The following FAAH2 variants were observed in gnomAD, a reference collection of about 807,000 sequenced individuals.
The protein encoded by FAAH2 is fatty-acid amide hydrolase 2.
A neutral mutation model predicts 36.9 loss-of-function variants in FAAH2; 60 were observed. That is an observed-to-expected ratio of 1.63 (90% CI 1.32 to 2.02). The LOEUF (loss-of-function observed/expected upper bound fraction) is 2.02, where lower values mean the gene tolerates loss of function less well. Among genes scored for constraint, FAAH2 ranks in the 30% most tolerant of loss-of-function variants. The pLI is 0.00. For synonymous variants in FAAH2, 214 were observed against 143.8 expected, an observed-to-expected ratio of 1.49 and a Z score of -3.49; for missense variants, 689 against 397.5, an observed-to-expected ratio of 1.73 and a Z score of -6.23.
chrX:57,125,496 C>CA, the FAAH2 span, among the ~76,000 whole-genome samples: 2 of 111,650 alleles, frequency 1.8e-5, no homozygotes, highest in African/African-American at 6.5e-5. Flanking sequence ...CAAGCAGTCA[C>CA]AAGTTCTGCT....
intron 4 of FAAH2, among the ~76,000 whole-genome samples, chrX:57,333,748 G>T (rs1306657666): frequency 9.0e-6 from 1 of 111,195 alleles, no homozygotes; most frequent in African/African-American, 3.3e-5. Flanking sequence ...GATTGAAAAA[G>T]ACAGAAGAGA....
chrX:57,214,891 G>T, the FAAH2 span, among the ~76,000 whole-genome samples: 12 of 109,588 alleles, frequency 1.1e-4, no homozygotes, highest in Admixed American at 2.9e-4. Flanking sequence ...TCTAACACTC[G>T]TCAGTATCTA....
chrX:57,367,729 C>G (rs2054452765), intron 5 of FAAH2, among the ~76,000 whole-genome samples: 1 of 111,639 alleles, frequency 9.0e-6, no homozygotes, highest in Non-Finnish European at 1.9e-5. Flanking sequence ...GGGGACTTCC[C>G]TCTGCACCAG....
the FAAH2 span, among the ~76,000 whole-genome samples, chrX:57,157,653 A>G: frequency 1.3e-4 from 15 of 111,117 alleles, no homozygotes; most frequent in Non-Finnish European, 2.4e-4. Context: ...ATTTTTTCTT[A>G]TATTTATGTT....
chrX:57,241,525 T>C, the FAAH2 span, among the ~76,000 whole-genome samples: 1 of 112,242 alleles, frequency 8.9e-6, no homozygotes, highest in African/African-American at 3.2e-5. Context: ...ATAGCTACCT[T>C]TATTTGTAAA....
At chrX:57,398,026 T>A (rs1436725350) in intron 7 of FAAH2, among the ~76,000 whole-genome samples, 1 of 111,623 alleles carries the variant, frequency 9.0e-6, no homozygotes, top group Non-Finnish European at 1.9e-5. Context: ...ACAAAGGACA[T>A]GAACTCATCT....
At chrX:57,354,016 T>C (rs1231642108) in intron 5 of FAAH2, among the ~76,000 whole-genome samples, 1 of 110,826 alleles carries the variant, frequency 9.0e-6, no homozygotes, top group African/African-American at 3.3e-5. Context: ...AAGTGTAGTC[T>C]GTGAAAAACA....
intron 10 of FAAH2, among the ~76,000 whole-genome samples, chrX:57,460,449 T>C (rs2056938292): frequency 8.9e-6 from 1 of 111,827 alleles, no homozygotes; most frequent in African/African-American, 3.3e-5. Context: ...GCCAGACTAA[T>C]AGCAGATGTC....
At chrX:57,363,885 G>C (rs1002380473) in intron 5 of FAAH2, among the ~76,000 whole-genome samples, 4 of 110,322 alleles carry the variant, frequency 3.6e-5, no homozygotes, top group African/African-American at 1.3e-4. Context: ...TGCATATGTT[G>C]AGCAATCTCT....
At chrX:57,295,011 G>A (rs886295492) in intron 2 of FAAH2, among the ~76,000 whole-genome samples, 1 of 112,306 alleles carries the variant, frequency 8.9e-6, no homozygotes, top group African/African-American at 3.2e-5. Context: ...CCCTAGGTAT[G>A]AGGGAACAAA....
the FAAH2 span, among the ~76,000 whole-genome samples, chrX:57,252,342 C>A: frequency 1.2e-4 from 13 of 112,664 alleles, no homozygotes; most frequent in Non-Finnish European, 5.6e-5. Flanking sequence ...GAGACAGCTT[C>A]TCCAGACTTA....
chrX:57,168,711 C>T, the FAAH2 span, among the ~76,000 whole-genome samples: 2 of 111,768 alleles, frequency 1.8e-5, no homozygotes, highest in Non-Finnish European at 3.8e-5. Context: ...ATGTATATTT[C>T]CATTTGCCTT....
At chrX:57,233,659 G>A in the FAAH2 span, among the ~76,000 whole-genome samples, 3 of 111,606 alleles carry the variant, frequency 2.7e-5, no homozygotes, top group Non-Finnish European at 5.7e-5. Flanking sequence ...TTTTGTTTTT[G>A]GAGACAGTCT....
intron 8 of FAAH2, among the ~76,000 whole-genome samples, chrX:57,441,258 AATT>A (rs962288473): frequency 7.2e-5 from 8 of 110,631 alleles, no homozygotes; most frequent in African/African-American, 2.6e-4. Flanking sequence ...TTGGTAGGCT[AATT>A]ATTGCATCAA....
At chrX:57,203,078 C>T in the FAAH2 span, among the ~76,000 whole-genome samples, 29 of 112,319 alleles carry the variant, frequency 2.6e-4, 1 homozygote, top group South Asian at 8.1e-3. Context: ...ATTAAAGACA[C>T]ACACACAGAA....
At chrX:57,475,193 A>G (rs1208046837) in intron 10 of FAAH2, among the ~76,000 whole-genome samples, 1 of 111,194 alleles carries the variant, frequency 9.0e-6, no homozygotes, top group Non-Finnish European at 1.9e-5. Flanking sequence ...AAGCTATTTA[A>G]TTTGATTAGA....
intron 5 of FAAH2, among the ~76,000 whole-genome samples, chrX:57,372,775 A>C (rs1472853057): frequency 9.1e-6 from 1 of 110,424 alleles, no homozygotes; most frequent in Non-Finnish European, 1.9e-5. Flanking sequence ...GTTTGGTTAC[A>C]TAAATAAGTT....
At chrX:57,367,152 A>G (rs2054438401) in intron 5 of FAAH2, among the ~76,000 whole-genome samples, 1 of 113,007 alleles carries the variant, frequency 8.8e-6, no homozygotes, top group Non-Finnish European at 1.9e-5. Flanking sequence ...TGCACAGCAT[A>G]TATAAGTGAT....
At chrX:57,306,391 T>C (rs1214917012) in intron 2 of FAAH2, among the ~76,000 whole-genome samples, 1 of 111,227 alleles carries the variant, frequency 9.0e-6, no homozygotes, top group Non-Finnish European at 1.9e-5. Flanking sequence ...GCAATAGAAT[T>C]GTACTTTTAC....
Sources: gnomAD v4.1 joint callset for allele counts (sites outside exome capture counted in the v4.1 genomes callset) on GRCh38, gnomAD v4.1.1 for gene constraint, MANE v1.5 for transcripts, NCBI Gene and HGNC (gene_info 2026-07-23, HGNC 2026-07-21) for gene names.